The following MAPRE2 variants were observed in gnomAD, a reference collection of about 807,000 sequenced individuals.
MAPRE2 encodes microtubule-associated protein RP/EB family member 2.
A neutral mutation model predicts 43.2 loss-of-function variants in MAPRE2; 13 were observed. The observed-to-expected ratio is 0.30, with a 90% CI of 0.20 to 0.48. The LOEUF (loss-of-function observed/expected upper bound fraction) is 0.48. MAPRE2 is among the 20% of genes least tolerant of loss of function. The probability of loss-of-function intolerance (pLI) is 0.99; values close to 1 mark genes in which losing one functional copy is unlikely to be tolerated. For synonymous variants in MAPRE2, 135 were observed against 148.8 expected (o/e 0.91, Z 0.68); for missense variants, 161 against 400.2 (o/e 0.40, Z 5.10).
At chr18:35,026,508 CTT>C (rs924155449) in intron 2 of MAPRE2, among the ~76,000 whole-genome samples, 1 of 147,140 alleles carries the variant, frequency 6.8e-6, no homozygotes, top group Non-Finnish European at 1.5e-5. Context: ...GGAGATTTGA[CTT>C]TTTTTTTTTA....
At chr18:35,098,012 T>C (rs1033154791) in intron 3 of MAPRE2, among the ~76,000 whole-genome samples, 1 of 152,312 alleles carries the variant, frequency 6.6e-6, no homozygotes, top group South Asian at 2.1e-4. Flanking sequence ...AGTTTACCCA[T>C]CTGTACAATG....
chr18:35,064,805 C>T (rs1028660687), intron 1 of MAPRE2, among the ~76,000 whole-genome samples: 10 of 152,288 alleles, frequency 6.6e-5, no homozygotes, highest in Admixed American at 2.0e-4. Flanking sequence ...CCAACACCAC[C>T]GCCAAATACT....
chr18:35,025,307 C>T (rs1211669477), intron 2 of MAPRE2, among the ~76,000 whole-genome samples: 1 of 152,178 alleles, frequency 6.6e-6, no homozygotes, highest in Non-Finnish European at 1.5e-5. Flanking sequence ...ATGTAAGTGA[C>T]TGGCCAAAGA....
At chr18:35,134,885 C>G (rs1159342287) in intron 6 of MAPRE2, among the ~76,000 whole-genome samples, 3 of 152,118 alleles carry the variant, frequency 2.0e-5, no homozygotes, top group African/African-American at 7.2e-5. Context: ...ATCTCTGGCA[C>G]TGCGCTGACA....
chr18:35,104,147 A>C (rs1287103022), intron 4 of MAPRE2, among the ~76,000 whole-genome samples: 1 of 152,182 alleles, frequency 6.6e-6, no homozygotes, highest in Non-Finnish European at 1.5e-5. Flanking sequence ...AACAGTGCCA[A>C]ATATTAATTG....
At chr18:35,136,782 G>A (rs1033327358) in intron 6 of MAPRE2, among the ~76,000 whole-genome samples, 15 of 152,284 alleles carry the variant, frequency 9.9e-5, no homozygotes, top group African/African-American at 3.6e-4. Flanking sequence ...TCCCACAGTG[G>A]CCTAGAGCCT....
At chr18:34,977,794 G>A (rs73422614) in intron 1 of MAPRE2, among the ~76,000 whole-genome samples, 1 of 152,228 alleles carries the variant, frequency 6.6e-6, no homozygotes, top group African/African-American at 2.4e-5. Context: ...CAGCGACTTC[G>A]CACTCGGCTT....
At chr18:35,114,790 T>C (rs935307727) in intron 4 of MAPRE2, among the ~76,000 whole-genome samples, 1 of 152,212 alleles carries the variant, frequency 6.6e-6, no homozygotes, top group African/African-American at 2.4e-5. Context: ...ATTAATCTTA[T>C]ATAGCTGTTC....
chr18:35,094,269 A>G (rs1386363563), intron 2 of MAPRE2, among the ~76,000 whole-genome samples: 1 of 152,228 alleles, frequency 6.6e-6, no homozygotes, highest in Non-Finnish European at 1.5e-5. Context: ...TTAATAAGTT[A>G]CCTGTTTTTG....
At chr18:35,041,295 A>T, upstream of MAPRE2, 1 of 1,396,180 alleles carries the variant, frequency 7.2e-7, no homozygotes. Context: ...CGAGGTGATG[A>T]GTTAGCGGGT....
Position 35,132,162 on chromosome 18 carries a change from T to C in MAPRE2, c.881T>C (p.Met294Thr), listed in dbSNP as rs764818526. 2.5e-6 allele frequency: 4 copies of C among 1,614,210 alleles called. No individual in the cohort carries two copies. Among genetic ancestry groups the C allele is most frequent in the Non-Finnish European group, 3.4e-6 (4 of 1,180,026 alleles). Residue 294 changes from methionine (M) to threonine (T), a missense_variant, in exon 6 of 7, where the codon ATG becomes ACG. Met to Thr is a moderately conservative substitution (Grantham distance 81). Around this residue, in one of 2 missense-constraint regions of MAPRE2, gnomAD observed 96 missense variants for 153.3 expected, o/e 0.63. Coordinates refer to ENST00000300249, the MANE Select transcript of MAPRE2 (RefSeq NM_014268.4). ...AATGATGACCTCGTGCAGAGACTAATGGACATCCTGTATGCTTCAGAAGAA... is the reference window on the plus strand; with the variant it reads ...AATGATGACCTCGTGCAGAGACTAACGGACATCCTGTATGCTTCAGAAGAA... ...QENDDLVQRL[M>T]DILYASEEHE... is the part of the protein sequence containing the mutation.
chr18:35,095,398 ACACG>A (rs796949717), intron 2 of MAPRE2, among the ~76,000 whole-genome samples: 1,330 of 118,846 alleles, frequency 0.011, 17 homozygotes, highest in African/African-American at 0.039. Flanking sequence ...ACACACACAC[ACACG>A]CACACACACA....
chr18:35,067,971 T>C (rs1906916567), intron 1 of MAPRE2, among the ~76,000 whole-genome samples: 1 of 152,198 alleles, frequency 6.6e-6, no homozygotes, highest in Non-Finnish European at 1.5e-5. Context: ...ATGGTCACAC[T>C]ATCTGAGATT....
intron 4 of MAPRE2, among the ~76,000 whole-genome samples, chr18:35,111,021 TA>T (rs1049309599): frequency 3.3e-5 from 5 of 152,192 alleles, no homozygotes; most frequent in South Asian, 2.1e-4. Context: ...TTTTTTCAAA[TA>T]TTTTTTTCAG....
At chr18:35,075,268 A>T (rs557420007) in intron 2 of MAPRE2, among the ~76,000 whole-genome samples, 50 of 152,340 alleles carry the variant, frequency 3.3e-4, no homozygotes, top group African/African-American at 1.2e-3. Flanking sequence ...CCTGATGGCC[A>T]TCATTCCTGA....
chr18:35,001,195 G>C (rs933755720), intron 1 of MAPRE2, among the ~76,000 whole-genome samples: 1 of 152,110 alleles, frequency 6.6e-6, no homozygotes, highest in Non-Finnish European at 1.5e-5. Flanking sequence ...GAACTTAAGG[G>C]TATGAGAGAT....
intron 6 of MAPRE2, among the ~76,000 whole-genome samples, chr18:35,136,910 C>T (rs910020768): frequency 1.3e-5 from 2 of 152,232 alleles, no homozygotes; most frequent in African/African-American, 2.4e-5. Context: ...GATTGATACG[C>T]ACATATTAGA....
chr18:35,094,451 CAAAA>C (rs1173648407), intron 2 of MAPRE2, among the ~76,000 whole-genome samples: 1 of 151,668 alleles, frequency 6.6e-6, no homozygotes, highest in Non-Finnish European at 1.5e-5. Context: ...GCCATGGAGA[CAAAA>C]AAGGCAATTT....
intron 2 of MAPRE2, among the ~76,000 whole-genome samples, chr18:35,032,508 T>A (rs562985979): frequency 1.3e-5 from 2 of 152,212 alleles, no homozygotes; most frequent in East Asian, 1.9e-4. Flanking sequence ...GTTGGAGAAG[T>A]GGAGGGATGA....
Sources: gnomAD v4.1 joint callset for allele counts (sites outside exome capture counted in the v4.1 genomes callset) on GRCh38, gnomAD v4.1.1 for gene constraint, gnomAD v4.1.1 regional missense constraint, MANE v1.5 for transcripts, NCBI Gene and HGNC (gene_info 2026-07-23, HGNC 2026-07-21) for gene names.